NPAS3: variants seen among roughly 807,000 people sequenced by gnomAD.
NPAS3 encodes the protein neuronal PAS domain-containing protein 3.
Under a neutral mutation model 73.1 loss-of-function variants are expected in NPAS3, and 14 were observed. The observed-to-expected ratio is 0.19, with a 90% CI of 0.13 to 0.30. The LOEUF (loss-of-function observed/expected upper bound fraction) is 0.30. Among genes scored for constraint, NPAS3 ranks in the 10% least tolerant of loss-of-function variants. The pLI is 1.00. For missense variants in NPAS3, 1,096 were observed against 1,250.0 expected (o/e 0.88, Z 1.86); for synonymous variants, 620 against 541.5 (o/e 1.14, Z -2.01).
chr14:33,634,111 C>T (rs2058451491), intron 5 of NPAS3, among the ~76,000 whole-genome samples: 1 of 152,194 alleles, frequency 6.6e-6, no homozygotes, highest in Non-Finnish European at 1.5e-5. Flanking sequence ...TCAGAAATAG[C>T]TTATTTCTTC....
intron 2 of NPAS3, among the ~76,000 whole-genome samples, chr14:33,161,905 T>C (rs2044903481): frequency 6.6e-6 from 1 of 152,130 alleles, no homozygotes; most frequent in South Asian, 2.1e-4. Context: ...TGTGAGGAAG[T>C]GACATAGGAC....
chr14:33,572,204 A>G (rs1188317004), intron 5 of NPAS3, among the ~76,000 whole-genome samples: 3 of 152,308 alleles, frequency 2.0e-5, no homozygotes, highest in Admixed American at 2.0e-4. Flanking sequence ...TGACTTGTGC[A>G]TTCCTGGTGC....
intron 1 of NPAS3, among the ~76,000 whole-genome samples, chr14:33,004,733 A>G (rs1054914978): frequency 6.6e-6 from 1 of 151,330 alleles, no homozygotes; most frequent in Non-Finnish European, 1.5e-5. Context: ...ACAGCTTAAA[A>G]CATAAATACA....
chr14:33,424,537 G>A (rs1047140118), intron 4 of NPAS3, among the ~76,000 whole-genome samples: 1 of 152,010 alleles, frequency 6.6e-6, no homozygotes, highest in South Asian at 2.1e-4. Context: ...TGATCCCCAT[G>A]AGCCTGGGAA....
At chr14:33,093,957 C>G (rs550633691) in intron 2 of NPAS3, among the ~76,000 whole-genome samples, 2 of 147,790 alleles carry the variant, frequency 1.4e-5, no homozygotes, top group African/African-American at 2.5e-5. Flanking sequence ...CATCACACAC[C>G]GGGGCCTGTT....
intron 2 of NPAS3, among the ~76,000 whole-genome samples, chr14:33,062,200 C>T (rs2041128976): frequency 6.6e-6 from 1 of 151,812 alleles, no homozygotes; most frequent in Non-Finnish European, 1.5e-5. Context: ...TGGGAGTGTT[C>T]CATAGCTTCC....
chr14:33,307,439 T>C (rs2042797714), intron 3 of NPAS3, among the ~76,000 whole-genome samples: 1 of 152,170 alleles, frequency 6.6e-6, no homozygotes, highest in Admixed American at 6.5e-5. Flanking sequence ...GGACTCATTT[T>C]TCCCCCTTTG....
chr14:33,001,875 T>G (rs1456909056), intron 1 of NPAS3, among the ~76,000 whole-genome samples: 1 of 152,210 alleles, frequency 6.6e-6, no homozygotes, highest in African/African-American at 2.4e-5. Context: ...AGCCTGTACC[T>G]AAAGAATCAC....
At chr14:33,712,674 G>A (rs17101745) in intron 6 of NPAS3, among the ~76,000 whole-genome samples, 7,614 of 152,178 alleles carry the variant, frequency 0.05, 648 homozygotes, top group African/African-American at 0.17. Flanking sequence ...AATGAAGTCA[G>A]ATATCACCAG....
chr14:33,159,655 A>G (rs1443839568), intron 2 of NPAS3, among the ~76,000 whole-genome samples: 1 of 147,910 alleles, frequency 6.8e-6, no homozygotes, highest in Non-Finnish European at 1.5e-5. Flanking sequence ...CCGGATTCAC[A>G]CCATTCTCCT....
chr14:33,050,962 G>A (rs1242172103), intron 1 of NPAS3, among the ~76,000 whole-genome samples: 2 of 152,182 alleles, frequency 1.3e-5, no homozygotes, highest in African/African-American at 4.8e-5. Context: ...TTTTTCACAT[G>A]AGGAAGCTGA....
chr14:33,251,279 TTGTC>T (rs1415438645), intron 3 of NPAS3, among the ~76,000 whole-genome samples: 2 of 152,156 alleles, frequency 1.3e-5, no homozygotes, highest in East Asian at 1.9e-4. Flanking sequence ...TCCTTTCACT[TTGTC>T]TGTGAATGAG....
chr14:33,680,213 A>G (rs2059894241), intron 6 of NPAS3, among the ~76,000 whole-genome samples: 1 of 152,136 alleles, frequency 6.6e-6, no homozygotes, highest in South Asian at 2.1e-4. Context: ...TTTCAGTGCC[A>G]TGCCTTTTAA....
chr14:33,263,929 C>T (rs995440606), intron 3 of NPAS3, among the ~76,000 whole-genome samples: 13 of 152,222 alleles, frequency 8.5e-5, no homozygotes, highest in South Asian at 8.3e-4. Context: ...TGGGTATATA[C>T]CCAAAGGATT....
upstream of NPAS3, among the ~76,000 whole-genome samples, chr14:32,938,834 C>CCCGCCG (rs1047805754): frequency 1.5e-4 from 22 of 146,312 alleles, no homozygotes; most frequent in East Asian, 1.4e-3. Flanking sequence ...GCCGCCTCCC[C>CCCGCCG]CCGCCGCCGC....
chr14:33,016,707 A>T (rs1252497848), intron 1 of NPAS3, among the ~76,000 whole-genome samples: 2 of 150,074 alleles, frequency 1.3e-5, no homozygotes, highest in African/African-American at 4.9e-5. Flanking sequence ...CTATGTGTTC[A>T]TTTCTCTTTT....
intron 4 of NPAS3, among the ~76,000 whole-genome samples, chr14:33,440,115 CAAA>C (rs368527118): frequency 1.0e-4 from 11 of 110,142 alleles, no homozygotes; most frequent in Non-Finnish European, 7.8e-5. Flanking sequence ...CAGTCTGTCT[CAAA>C]AAAAAAAAAA....
chr14:33,439,436 T>C (rs2049137668), intron 4 of NPAS3, among the ~76,000 whole-genome samples: 2 of 152,210 alleles, frequency 1.3e-5, no homozygotes, highest in South Asian at 2.1e-4. Context: ...AGCTAAGATA[T>C]CATTCTCTTC....
At chr14:33,508,176 C>G (rs2052864936) in intron 4 of NPAS3, among the ~76,000 whole-genome samples, 1 of 152,074 alleles carries the variant, frequency 6.6e-6, no homozygotes, top group African/African-American at 2.4e-5. Flanking sequence ...AGCAGAGAAA[C>G]CTTCCCAGTC....
Sources: gnomAD v4.1 joint callset for allele counts (sites outside exome capture counted in the v4.1 genomes callset) on GRCh38, gnomAD v4.1.1 for gene constraint, MANE v1.5 for transcripts, NCBI Gene and HGNC (gene_info 2026-07-23, HGNC 2026-07-21) for gene names.